Variants in SORCS1 observed in about 807,000 individuals in gnomAD.
The protein encoded by SORCS1 is sortilin related VPS10 domain containing receptor 1.
Under a neutral mutation model 146.1 loss-of-function variants are expected in SORCS1, and 60 were observed. The observed-to-expected ratio is 0.41, with a 90% CI of 0.33 to 0.51. The LOEUF (loss-of-function observed/expected upper bound fraction) is 0.51. Among genes scored for constraint, SORCS1 ranks in the 20% least tolerant of loss-of-function variants. The pLI is 0.21. For missense variants in SORCS1, 1,352 were observed against 1,487.6 expected (o/e 0.91, Z 1.50); for synonymous variants, 637 against 584.0 (o/e 1.09, Z -1.31).
chr10:106,946,726 A>C (rs1437342122), intron 2 of SORCS1, among the ~76,000 whole-genome samples: 3 of 152,210 alleles, frequency 2.0e-5, no homozygotes, highest in African/African-American at 7.2e-5. Context: ...TTATGCATAC[A>C]TTTTACCCTG....
intron 1 of SORCS1, among the ~76,000 whole-genome samples, chr10:107,100,588 A>G (rs1037702764): frequency 6.6e-6 from 1 of 152,246 alleles, no homozygotes; most frequent in South Asian, 2.1e-4. Flanking sequence ...GTATCTAGGG[A>G]CATCAGAGAA....
At chr10:107,094,671 A>T (rs559953671) in intron 1 of SORCS1, among the ~76,000 whole-genome samples, 2 of 152,286 alleles carry the variant, frequency 1.3e-5, no homozygotes, top group African/African-American at 2.4e-5. Context: ...AATTTTTTTA[A>T]AAAAGGCTCC....
intron 1 of SORCS1, among the ~76,000 whole-genome samples, chr10:107,025,793 T>C (rs4918279): frequency 0.27 from 41,098 of 152,112 alleles, 6,611 homozygotes; most frequent in Admixed American, 0.37. Flanking sequence ...GGGAGTCTTT[T>C]ATGGGATAAA....
chr10:106,741,744 A>T (rs1857380817), intron 5 of SORCS1, among the ~76,000 whole-genome samples: 1 of 152,128 alleles, frequency 6.6e-6, no homozygotes, highest in Non-Finnish European at 1.5e-5. Context: ...TGTCCCAGAG[A>T]TTGGAAACAG....
intron 1 of SORCS1, among the ~76,000 whole-genome samples, chr10:106,975,587 A>G (rs1955958188): frequency 6.6e-6 from 1 of 152,234 alleles, no homozygotes. Context: ...AATTTCTGCC[A>G]TGCAGTAATT....
chr10:106,666,062 G>C (rs768195264), intron 17 of SORCS1, among the ~76,000 whole-genome samples: 1 of 152,136 alleles, frequency 6.6e-6, no homozygotes, highest in Admixed American at 6.5e-5. Context: ...GGATGGTCTC[G>C]ATCTCCTGAC....
chr10:106,832,781 A>G (rs1388680102), intron 2 of SORCS1, among the ~76,000 whole-genome samples: 1 of 152,196 alleles, frequency 6.6e-6, no homozygotes, highest in East Asian at 1.9e-4. Context: ...ACTACATGAG[A>G]GACAAGAAAA....
chr10:106,904,067 G>A (rs12413435), intron 2 of SORCS1, among the ~76,000 whole-genome samples: 13,054 of 152,150 alleles, frequency 0.086, 694 homozygotes, highest in South Asian at 0.14. Context: ...AATTGGCAAC[G>A]CCTAAGTTTA....
intron 2 of SORCS1, among the ~76,000 whole-genome samples, chr10:106,830,436 T>G (rs1174581254): frequency 2.0e-5 from 3 of 152,226 alleles, no homozygotes; most frequent in African/African-American, 7.2e-5. Context: ...TATCTGTCTT[T>G]GATGAAAATG....
intron 3 of SORCS1, among the ~76,000 whole-genome samples, chr10:106,790,643 A>G (rs1191171556): frequency 2.0e-5 from 3 of 152,186 alleles, no homozygotes; most frequent in Non-Finnish European, 4.4e-5. Context: ...TCAAGCTTCA[A>G]TTGACCAGAA....
At position 106,577,190 on chromosome 10, in the gene SORCS1, T is replaced by A. The variant is rs1403017287; in HGVS notation, c.*230A>T. The A allele has an allele frequency of 6.7e-7, 1 of 1,496,126 alleles. No individual in the cohort carries two copies. The highest frequency in any genetic ancestry group is 1.2e-5 in the South Asian group (1 of 84,764). The allele number at this position is 1,496,126 out of a possible 1,614,324, so 92.7% of individuals were successfully genotyped here. A position where few individuals can be genotyped will look rare whatever the true frequency, so the allele number is the denominator to read the frequency against. On this transcript the variant is annotated 3_prime_UTR_variant, in exon 26 of 26. Coordinates refer to ENST00000263054, the MANE Select transcript of SORCS1 (RefSeq NM_052918.5). Reference sequence around the variant, plus strand: ...TTATATTTTATGTTTTGTTTTGTTTTTGTTTTTGTTTTTTTACTGGCGTCC... The same window carrying A: ...TTATATTTTATGTTTTGTTTTGTTTATGTTTTTGTTTTTTTACTGGCGTCC...
chr10:106,682,667 G>T (rs907305031), intron 10 of SORCS1, among the ~76,000 whole-genome samples: 7 of 152,144 alleles, frequency 4.6e-5, no homozygotes, highest in African/African-American at 1.7e-4. Flanking sequence ...CCAGGCTGGG[G>T]GCACATCATA....
intron 2 of SORCS1, among the ~76,000 whole-genome samples, chr10:106,934,423 A>AT (rs1201802325): frequency 1.7e-4 from 25 of 150,890 alleles, no homozygotes; most frequent in African/African-American, 4.6e-4. Context: ...CACCCGGCTA[A>AT]TTTTTTTTTG....
chr10:106,920,661 A>G (rs1456775517), intron 2 of SORCS1, among the ~76,000 whole-genome samples: 2 of 152,180 alleles, frequency 1.3e-5, no homozygotes, highest in Non-Finnish European at 2.9e-5. Flanking sequence ...CAGGAAAGCA[A>G]GAGAGAAAAG....
At chr10:106,860,840 A>G (rs1241816826) in intron 2 of SORCS1, among the ~76,000 whole-genome samples, 2 of 152,138 alleles carry the variant, frequency 1.3e-5, no homozygotes, top group Admixed American at 1.3e-4. Context: ...CCTAAATTCA[A>G]TTTTTTATTA....
At chr10:106,871,563 C>T (rs1008796572) in intron 2 of SORCS1, among the ~76,000 whole-genome samples, 1 of 152,114 alleles carries the variant, frequency 6.6e-6, no homozygotes, top group African/African-American at 2.4e-5. Context: ...ATACAGCCAT[C>T]AAAAAGGACA....
intron 2 of SORCS1, among the ~76,000 whole-genome samples, chr10:106,903,974 C>G (rs956049026): frequency 1.5e-4 from 23 of 152,162 alleles, no homozygotes; most frequent in Non-Finnish European, 8.8e-5. Flanking sequence ...TCCCTCAATC[C>G]TCACTTAGAA....
At chr10:107,055,468 A>AT (rs1218739554) in intron 1 of SORCS1, among the ~76,000 whole-genome samples, 1 of 152,206 alleles carries the variant, frequency 6.6e-6, no homozygotes, top group Non-Finnish European at 1.5e-5. Flanking sequence ...CAGAAAGATA[A>AT]TTTTAAAAAA....
intron 1 of SORCS1, among the ~76,000 whole-genome samples, chr10:107,025,892 A>G (rs1011893824): frequency 6.6e-6 from 1 of 152,234 alleles, no homozygotes; most frequent in Non-Finnish European, 1.5e-5. Flanking sequence ...GATTGCTGAA[A>G]TAATGCTGAC....
Sources: allele counts gnomAD v4.1 joint callset (sites outside exome capture counted in the v4.1 genomes callset), GRCh38; gene constraint gnomAD v4.1.1; transcripts MANE v1.5; gene names NCBI Gene and HGNC (gene_info 2026-07-23, HGNC 2026-07-21).